Variants in SMOC2 observed in about 807,000 individuals in gnomAD.
SMOC2 encodes the protein SPARC related modular calcium binding 2, also known as SPARC-related modular calcium-binding protein 2.
A neutral mutation model predicts 61.4 loss-of-function variants in SMOC2; 39 were observed. That is an observed-to-expected ratio of 0.64 (90% CI 0.49 to 0.83). The LOEUF (loss-of-function observed/expected upper bound fraction) is 0.83. Ranked by LOEUF, SMOC2 falls within the 40% of genes least tolerant of loss-of-function variation. The pLI, the probability that SMOC2 is intolerant of heterozygous loss-of-function variation, is 0.00. For synonymous variants in SMOC2, 247 were observed against 239.9 expected (o/e 1.03, Z -0.27); for missense variants, 556 against 592.9 (o/e 0.94, Z 0.65).
intron 9 of SMOC2, among the ~76,000 whole-genome samples, chr6:168,632,361 T>A (rs1786592625): frequency 6.6e-6 from 1 of 152,240 alleles, no homozygotes; most frequent in Admixed American, 6.5e-5. Context: ...TTGACAAATT[T>A]TTGTGAGATA....
intron 9 of SMOC2, among the ~76,000 whole-genome samples, chr6:168,618,116 A>G (rs189070345): frequency 2.6e-5 from 4 of 152,360 alleles, no homozygotes; most frequent in African/African-American, 4.8e-5. Context: ...GGCCTGGACC[A>G]TCGCCCCAGG....
intron 1 of SMOC2, among the ~76,000 whole-genome samples, chr6:168,478,520 C>T (rs1158870335): frequency 1.3e-5 from 2 of 152,186 alleles, no homozygotes; most frequent in African/African-American, 4.8e-5. Context: ...GATGAACTGC[C>T]TGAAACAAAG....
rs372597491 is a variant in SMOC2, at chr6:168,549,148, T to A, written c.582T>A (p.Pro194=). The A allele has an allele frequency of 4.6e-4, 749 of 1,614,156 alleles. 6 individuals carry two copies. The South Asian group carries it at 6.0e-3, about 13-fold the overall frequency. ...TCATAGATATTGCATCACGTTACCC[T>A]ACCCTTTGGACTGAACAGGTTAAAA... ...GDEEDIASRY[P]TLWTEQVKSR... Residue 194 remains proline, a synonymous_variant, in exon 7 of 13, where the codon CCT becomes CCA. Transcript: ENST00000356284.
intron 5 of SMOC2, among the ~76,000 whole-genome samples, chr6:168,546,610 G>A (rs1180512786): frequency 6.6e-6 from 1 of 152,160 alleles, no homozygotes; most frequent in Non-Finnish European, 1.5e-5. Context: ...GCAGTGGAGA[G>A]AGGGAGGGCC....
intron 2 of SMOC2, among the ~76,000 whole-genome samples, chr6:168,518,704 G>A (rs901803012): frequency 4.7e-5 from 7 of 149,562 alleles, no homozygotes; most frequent in Non-Finnish European, 5.9e-5. Flanking sequence ...GAGCGTGCAT[G>A]TGTGAGTGTT....
rs1785397596 is a variant in SMOC2, at chr6:168,598,846, T to A, written c.666T>A (p.Ser222=). ...CATCCTGTGACCAAGAGCACCAGTC[T>A]GCCCTGGAGGAAGCCAAGCAGCCCA... ...SVSSCDQEHQ[S]ALEEAKQPKN... is the part of the protein sequence containing the mutation. The change falls in exon 8 of 13, where the codon TCT becomes TCA. Residue 222 remains serine, a synonymous_variant. Transcript: ENST00000356284. 1.2e-6 allele frequency: 2 copies of A among 1,613,812 alleles called. No individual in the cohort carries two copies. Among genetic ancestry groups the A allele is most frequent in the Non-Finnish European group, 1.7e-6 (2 of 1,179,794 alleles).
chr6:168,445,316 T>C (rs1266711791), intron 1 of SMOC2, among the ~76,000 whole-genome samples: 17 of 152,234 alleles, frequency 1.1e-4, no homozygotes, highest in Admixed American at 1.1e-3. Flanking sequence ...GTCTGGCACC[T>C]GGTAAATGCC....
chr6:168,641,708 G>A (rs1281137913), intron 9 of SMOC2, among the ~76,000 whole-genome samples: 1 of 152,222 alleles, frequency 6.6e-6, no homozygotes. Context: ...TGGATGAGCC[G>A]AGGCAGGGCC....
intron 7 of SMOC2, among the ~76,000 whole-genome samples, chr6:168,592,603 A>T (rs1442690567): frequency 7.7e-6 from 1 of 130,598 alleles, no homozygotes. Context: ...AGGATCGCGG[A>T]GCTCCTCCTC....
Position 168,621,275 on chromosome 6 carries a change from G to C in SMOC2, c.907+13036G>C, listed in dbSNP as rs143476447. On this transcript the variant is annotated intron_variant, in intron 9 of 12. Coordinates refer to ENST00000356284, the MANE Select transcript of SMOC2 (RefSeq NM_001166412.2). ...TCCTATTTATGCATCTTTTCTCTAC[G>C]CTTTTCCTGATGTAATCAACTTACT... 2.8e-4 allele frequency among the ~76,000 whole-genome samples: 42 copies of C among 152,224 alleles called. No individual in the cohort carries two copies. In the East Asian group the frequency reaches 7.1e-3, roughly 26 times the overall value.
Position 168,543,630 on chromosome 6 carries a change from G to A in SMOC2, c.469G>A (p.Val157Ile), listed in dbSNP as rs760957656. The change falls in exon 5 of 13, where the codon GTA becomes ATA. Residue 157 changes from valine (V) to isoleucine (I), a missense_variant. Physicochemically the swap from Val to Ile is conservative, Grantham distance 29. Coordinates refer to ENST00000356284, the MANE Select transcript of SMOC2 (RefSeq NM_001166412.2). ...TCCTTATTTTCCTCTTTTAGGTTCC[G>A]TAAATGAAAAGTTACCCCAACGCGA... ...AHKTPRCPGS[V>I]NEKLPQREGT... 34 of 1,613,306 alleles carry A rather than the reference G, an allele frequency of 2.1e-5. No individual in the cohort carries two copies. The Middle Eastern group carries it at 4.9e-4, about 23-fold the overall frequency.
chr6:168,484,348 A>T (rs904113616), intron 1 of SMOC2, among the ~76,000 whole-genome samples: 2 of 152,182 alleles, frequency 1.3e-5, no homozygotes, highest in African/African-American at 4.8e-5. Flanking sequence ...TGCTCAGAAC[A>T]CATGCTTAGC....
intron 7 of SMOC2, among the ~76,000 whole-genome samples, chr6:168,560,480 T>G (rs1212318888): frequency 6.6e-6 from 1 of 152,162 alleles, no homozygotes; most frequent in Admixed American, 6.6e-5. Context: ...GCGTCCTCTG[T>G]GCCCACCTTT....
rs182362669 is a variant in SMOC2 at position 168,475,053 on chromosome 6, C to T, written c.84+33599C>T. Among the ~76,000 whole-genome samples, 16 of 152,226 alleles carry T rather than the reference C, an allele frequency of 1.1e-4. No individual in the cohort carries two copies. The highest frequency in any genetic ancestry group is 1.6e-4 in the Non-Finnish European group (11 of 67,990). On this transcript the variant is annotated intron_variant, in intron 1 of 12. Transcript: ENST00000356284. This position sits in a 1 kb window ranked among gnomAD's most constrained non-coding sequence, Gnocchi z 4.6. ...GAATGTAAGGTCGTTGTGGCTGTAG[C>T]TTCAGAATAGATCCCTTTATGGTAG...
intron 1 of SMOC2, among the ~76,000 whole-genome samples, chr6:168,454,286 G>A (rs1447503571): frequency 2.0e-5 from 3 of 152,108 alleles, no homozygotes; most frequent in Non-Finnish European, 4.4e-5. Flanking sequence ...TCTGAGAGCT[G>A]AGGCATCGCT....
intron 9 of SMOC2, among the ~76,000 whole-genome samples, chr6:168,615,259 G>A (rs1295698750): frequency 2.2e-5 from 2 of 92,358 alleles, no homozygotes; most frequent in Non-Finnish European, 4.5e-5. Context: ...CCAGCACGGG[G>A]CCTTTTCACA....
intron 4 of SMOC2, among the ~76,000 whole-genome samples, chr6:168,542,991 G>A (rs1353579076): frequency 6.6e-6 from 1 of 152,172 alleles, no homozygotes; most frequent in African/African-American, 2.4e-5. Context: ...ACTCTGAGAC[G>A]AACTATTTTT....
chr6:168,541,479 C>A (rs1340159150), intron 4 of SMOC2, among the ~76,000 whole-genome samples: 2 of 152,212 alleles, frequency 1.3e-5, no homozygotes, highest in Non-Finnish European at 2.9e-5. Context: ...AATGCAATGA[C>A]AGCATCAGAG....
intron 2 of SMOC2, among the ~76,000 whole-genome samples, chr6:168,519,097 GC>G (rs1408776675): frequency 6.8e-6 from 1 of 148,072 alleles, no homozygotes; most frequent in Non-Finnish European, 1.5e-5. Flanking sequence ...GTGTGAACAT[GC>G]GTGTGTGAAC....
Sources: allele counts gnomAD v4.1 joint callset (sites outside exome capture counted in the v4.1 genomes callset), GRCh38; gene constraint gnomAD v4.1.1; non-coding constraint Gnocchi (gnomAD v3.1); transcripts MANE v1.5; gene names NCBI Gene and HGNC (gene_info 2026-07-23, HGNC 2026-07-21).